SH3RF3: variants seen among roughly 807,000 people sequenced by gnomAD.
SH3RF3 encodes the protein E3 ubiquitin-protein ligase SH3RF3.
In SH3RF3, 29 loss-of-function variants were observed where a neutral mutation model predicts 66.3. That is an observed-to-expected ratio of 0.44 (90% CI 0.33 to 0.60). The LOEUF is 0.60. Ranked by LOEUF, SH3RF3 falls within the 20% of genes least tolerant of loss-of-function variation. SH3RF3 has a pLI of 0.04. For synonymous variants in SH3RF3, 583 were observed against 532.0 expected (o/e 1.10, Z -1.32); for missense variants, 1,194 against 1,190.9 (o/e 1.00, Z -0.04).
intron 3 of SH3RF3, among the ~76,000 whole-genome samples, chr2:109,383,299 T>C (rs1217676470): frequency 2.6e-5 from 4 of 152,228 alleles, no homozygotes; most frequent in South Asian, 4.1e-4. Flanking sequence ...CACACCCATG[T>C]GGAGTCACTG....
At position 109,490,934 on chromosome 2, in the gene SH3RF3, G is replaced by C; in HGVS notation, c.2478G>C (p.Glu826Asp). 1 of 1,493,552 alleles carries C rather than the reference G, an allele frequency of 6.7e-7. No homozygotes were observed. Among genetic ancestry groups the C allele is most frequent in the Non-Finnish European group, 8.9e-7 (1 of 1,121,034 alleles). 92.5% of individuals were successfully genotyped at this position (1,493,552 alleles called of 1,614,324 possible). ...IRPEPKLLPR[E>D]RYRVVVSYPP... ...CCGAGCCCAAGCTGTTGCCCAGAGA[G>C]AGGTAAGTGCAGGGGCTTGTCTGCT... Residue 826 changes from glutamate (E) to aspartate (D), a missense_variant and splice_region_variant, in exon 9 of 10, where the codon GAG becomes GAC. Coordinates refer to ENST00000309415, the MANE Select transcript of SH3RF3 (RefSeq NM_001099289.3).
intron 1 of SH3RF3, among the ~76,000 whole-genome samples, chr2:109,133,722 A>ATT (rs35011575): frequency 6.2e-5 from 8 of 128,854 alleles, no homozygotes; most frequent in South Asian, 2.5e-4. Flanking sequence ...CCAAGGGACA[A>ATT]TTTTTTTTTT....
At position 109,398,750 on chromosome 2, in the gene SH3RF3, G is replaced by T; in HGVS notation, c.1106G>T (p.Arg369Leu). The change falls in exon 4 of 10, where the codon CGT becomes CTT. Residue 369 changes from arginine (R) to leucine (L), a missense_variant. Physicochemically the swap from Arg to Leu is moderately radical, Grantham distance 102. Coordinates refer to ENST00000309415, the MANE Select transcript of SH3RF3 (RefSeq NM_001099289.3). ...SSGAVSAFQR[R>L]VDGKKNTKKR... Reference sequence around the variant, plus strand: ...GGGGCGGTCAGTGCCTTTCAGCGGCGTGTGGATGGCAAGAAGAACACCAAG... The same window carrying T: ...GGGGCGGTCAGTGCCTTTCAGCGGCTTGTGGATGGCAAGAAGAACACCAAG... 6.2e-7 allele frequency: 1 copy of T among 1,613,572 alleles called. No individual in the cohort carries two copies. Among genetic ancestry groups the T allele is most frequent in the South Asian group, 1.1e-5 (1 of 90,936 alleles).
chr2:109,415,401 G>A (rs1247542941), intron 4 of SH3RF3, among the ~76,000 whole-genome samples: 1 of 152,192 alleles, frequency 6.6e-6, no homozygotes, highest in Non-Finnish European at 1.5e-5. Context: ...GTTCCAGGGG[G>A]AGTGCTCAGA....
intron 1 of SH3RF3, 77 bp downstream of exon 1, chr2:109,130,190 A>T (rs977254769): frequency 1.3e-5 from 16 of 1,220,202 alleles, no homozygotes; most frequent in Non-Finnish European, 1.6e-5. Context: ...GGGGGCAGTG[A>T]TGAGGTGCGG....
chr2:109,287,294 G>T lies in SH3RF3; in HGVS notation c.574-60380G>T, dbSNP rs1484072524. Among the ~76,000 whole-genome samples the T allele has an allele frequency of 2.0e-5, 3 of 152,120 alleles. 1 individual carries two copies. The highest frequency in any genetic ancestry group is 4.4e-5 in the Non-Finnish European group (3 of 68,020). ...GTGTTTTGTGGTCACAATAACCCTG[G>T]ATTCCTGATGCCCTGGTGGAGAGGC... On this transcript the variant is annotated intron_variant, in intron 1 of 9. Coordinates refer to ENST00000309415, the MANE Select transcript of SH3RF3 (RefSeq NM_001099289.3).
chr2:109,319,829 C>T (rs553300285), intron 1 of SH3RF3, among the ~76,000 whole-genome samples: 68 of 152,320 alleles, frequency 4.5e-4, no homozygotes, highest in African/African-American at 1.6e-3. Flanking sequence ...GCACCTCTGT[C>T]CCCTTAGAGG....
intron 1 of SH3RF3, among the ~76,000 whole-genome samples, chr2:109,198,800 A>T (rs1678568020): frequency 6.6e-6 from 1 of 152,210 alleles, no homozygotes; most frequent in Admixed American, 6.5e-5. Flanking sequence ...AGCCTTTGAC[A>T]TACCTAGGCT....
chr2:109,483,284 G>A (rs1678882086), intron 8 of SH3RF3, among the ~76,000 whole-genome samples: 1 of 152,216 alleles, frequency 6.6e-6, no homozygotes, highest in Non-Finnish European at 1.5e-5. Flanking sequence ...ACTCAACAAA[G>A]ATAAGTCCCC....
At chr2:109,497,067 G>C (rs1261391891) in intron 9 of SH3RF3, among the ~76,000 whole-genome samples, 1 of 152,208 alleles carries the variant, frequency 6.6e-6, no homozygotes, top group Non-Finnish European at 1.5e-5. Context: ...CAGATGCCTT[G>C]ATTTTGGCCC....
chr2:109,370,887 A>G (rs1006141084), intron 2 of SH3RF3, among the ~76,000 whole-genome samples: 1 of 152,226 alleles, frequency 6.6e-6, no homozygotes, highest in Non-Finnish European at 1.5e-5. Flanking sequence ...CCATGACTCT[A>G]AATAAATGTA....
chr2:109,400,505 A>G (rs904254129), intron 4 of SH3RF3, among the ~76,000 whole-genome samples: 1 of 151,810 alleles, frequency 6.6e-6, no homozygotes, highest in South Asian at 2.1e-4. Flanking sequence ...ATTTACACAT[A>G]CACCCCTCCA....
chr2:109,477,087 G>A (rs189887352), intron 8 of SH3RF3, among the ~76,000 whole-genome samples: 1 of 152,332 alleles, frequency 6.6e-6, no homozygotes, highest in African/African-American at 2.4e-5. Flanking sequence ...ACCCCAGTAG[G>A]TCTCAGCCTC....
Position 109,449,480 on chromosome 2 carries a change from A to G in SH3RF3, c.2139A>G (p.Lys713=). ...CGGGATGCAAACTAGACGAGAAGAA[A>G]AGTGAAAAGGTAAGAGGCCCATCCT... The part of the protein sequence containing the change: ...TNTGCKLDEK[K]SEKKEKKSGL... The change falls in exon 8 of 10, where the codon AAA becomes AAG. Residue 713 remains lysine, a synonymous_variant. Coordinates refer to ENST00000309415, the MANE Select transcript of SH3RF3 (RefSeq NM_001099289.3). The G allele has an allele frequency of 1.9e-6, 3 of 1,613,800 alleles. No homozygotes were observed. Among genetic ancestry groups the G allele is most frequent in the Non-Finnish European group, 2.5e-6 (3 of 1,179,810 alleles).
intron 1 of SH3RF3, among the ~76,000 whole-genome samples, chr2:109,195,224 GA>G (rs1678467166): frequency 6.6e-6 from 1 of 152,160 alleles, no homozygotes; most frequent in African/African-American, 2.4e-5. Context: ...CTAGGACTAG[GA>G]CTAGGACTGC....
At chr2:109,417,331 G>C (rs1325814819) in intron 4 of SH3RF3, among the ~76,000 whole-genome samples, 1 of 152,176 alleles carries the variant, frequency 6.6e-6, no homozygotes, top group African/African-American at 2.4e-5. Context: ...GCTCTGGGGA[G>C]TTCTCTAGAA....
At chr2:109,247,027 G>A (rs546451493) in intron 1 of SH3RF3, among the ~76,000 whole-genome samples, 3 of 152,306 alleles carry the variant, frequency 2.0e-5, no homozygotes, top group African/African-American at 7.2e-5. Flanking sequence ...TTTTTGAGAT[G>A]ATGTGACATC....
At chr2:109,462,683 C>G (rs1678237679) in intron 8 of SH3RF3, among the ~76,000 whole-genome samples, 1 of 152,218 alleles carries the variant, frequency 6.6e-6, no homozygotes, top group African/African-American at 2.4e-5. Context: ...AGCCCTCTCT[C>G]CACAGGTCAG....
chr2:109,141,576 C>T (rs897690672), intron 1 of SH3RF3: 3 of 154,912 alleles, frequency 1.9e-5, no homozygotes, highest in Non-Finnish European at 4.4e-5. Context: ...GGCTGAAGCT[C>T]CAACCCACTG....
Sources: gnomAD v4.1 joint callset for allele counts (sites outside exome capture counted in the v4.1 genomes callset) on GRCh38, gnomAD v4.1.1 for gene constraint, MANE v1.5 for transcripts, NCBI Gene and HGNC (gene_info 2026-07-23, HGNC 2026-07-21) for gene names.